Variants in SORCS2 observed in about 807,000 individuals in gnomAD.
The protein encoded by SORCS2 is sortilin related VPS10 domain containing receptor 2.
A neutral mutation model predicts 141.6 loss-of-function variants in SORCS2; 100 were observed. The observed-to-expected ratio is 0.71, with a 90% CI of 0.60 to 0.83. SORCS2 has a LOEUF of 0.83. SORCS2 is among the 40% of genes least tolerant of loss of function. The pLI is 0.00. For synonymous variants in SORCS2, 789 were observed against 676.9 expected, an observed-to-expected ratio of 1.17 and a Z score of -2.57; for missense variants, 1,646 against 1,560.2, an observed-to-expected ratio of 1.05 and a Z score of -0.93.
intron 2 of SORCS2, among the ~76,000 whole-genome samples, chr4:7,451,510 A>G (rs1728465300): frequency 6.6e-6 from 1 of 152,046 alleles, no homozygotes; most frequent in Non-Finnish European, 1.5e-5. Context: ...ACCTGTCCCT[A>G]CTCCTGAAGA....
At chr4:7,467,483 G>C (rs1334575393) in intron 2 of SORCS2, among the ~76,000 whole-genome samples, 2 of 152,224 alleles carry the variant, frequency 1.3e-5, no homozygotes, top group Non-Finnish European at 2.9e-5. Flanking sequence ...TCCGAGTCAA[G>C]TGACATCTCA....
At chr4:7,472,101 C>T (rs1200899070) in intron 2 of SORCS2, among the ~76,000 whole-genome samples, 1 of 152,230 alleles carries the variant, frequency 6.6e-6, no homozygotes, top group East Asian at 1.9e-4. Flanking sequence ...CAGCCTGTGG[C>T]CCAGGACACT....
chr4:7,233,637 G>T lies in SORCS2; in HGVS notation c.480+40511G>T, dbSNP rs184134380. On this transcript the variant is annotated intron_variant, in intron 1 of 26. Transcript: ENST00000507866. This position sits in a 1 kb window ranked among gnomAD's most constrained non-coding sequence, Gnocchi z 4.5. ...GAGTGCAGCGCTTCTCAGGTGGGAC[G>T]TTCTAAGGTCCCCAGGTAATACTGG... 5.3e-5 allele frequency among the ~76,000 whole-genome samples: 8 copies of T among 152,158 alleles called. No individual in the cohort carries two copies. The highest frequency in any genetic ancestry group is 1.2e-4 in the Non-Finnish European group (8 of 68,024).
intron 1 of SORCS2, among the ~76,000 whole-genome samples, chr4:7,372,881 C>T (rs1194289599): frequency 6.6e-6 from 1 of 152,102 alleles, no homozygotes; most frequent in African/African-American, 2.4e-5. Flanking sequence ...TTTGTTGGTG[C>T]TGGCATGTCT....
At chr4:7,355,591 TG>T (rs1200928425) in intron 1 of SORCS2, among the ~76,000 whole-genome samples, 1 of 152,046 alleles carries the variant, frequency 6.6e-6, no homozygotes, top group Non-Finnish European at 1.5e-5. Flanking sequence ...TTCTCCTGTG[TG>T]GGTCCGAGGG....
At chr4:7,406,645 T>A (rs910074071) in intron 2 of SORCS2, among the ~76,000 whole-genome samples, 22 of 151,948 alleles carry the variant, frequency 1.4e-4, no homozygotes, top group Admixed American at 1.2e-3. Flanking sequence ...GTCGGTCTAC[T>A]TTGTTGATTT....
At chr4:7,437,373 C>T (rs1278541955) in intron 2 of SORCS2, among the ~76,000 whole-genome samples, 4 of 152,220 alleles carry the variant, frequency 2.6e-5, no homozygotes, top group Non-Finnish European at 4.4e-5. Flanking sequence ...CTTCCACACC[C>T]TCTGGGTGTG....
intron 3 of SORCS2, among the ~76,000 whole-genome samples, chr4:7,636,834 A>T (rs7680312): frequency 6.6e-6 from 1 of 151,790 alleles, no homozygotes; most frequent in South Asian, 2.1e-4. Context: ...GGGGAGCTGA[A>T]AACAGCAGCA....
At chr4:7,388,154 G>GCC in intron 1 of SORCS2, among the ~76,000 whole-genome samples, 1 of 151,910 alleles carries the variant, frequency 6.6e-6, no homozygotes, top group East Asian at 1.9e-4. Context: ...GCGCACAGAT[G>GCC]CCCCCACACC....
chr4:7,502,159 G>C (rs996648569), intron 2 of SORCS2, among the ~76,000 whole-genome samples: 5 of 152,244 alleles, frequency 3.3e-5, no homozygotes, highest in African/African-American at 9.6e-5. Context: ...GCCATCAGAA[G>C]GGAGGAGGTG....
intron 2 of SORCS2, among the ~76,000 whole-genome samples, chr4:7,505,402 C>T (rs965948149): frequency 6.6e-6 from 1 of 151,976 alleles, no homozygotes; most frequent in African/African-American, 2.4e-5. Context: ...GCTCCGTGTG[C>T]ACAGAGACAC....
intron 14 of SORCS2, among the ~76,000 whole-genome samples, chr4:7,709,575 A>G (rs1328084144): frequency 6.6e-6 from 1 of 152,200 alleles, no homozygotes; most frequent in Non-Finnish European, 1.5e-5. Context: ...ACATACAAAT[A>G]ACTCAAACTG....
intron 1 of SORCS2, among the ~76,000 whole-genome samples, chr4:7,361,318 C>G (rs1476807422): frequency 6.6e-6 from 1 of 152,188 alleles, no homozygotes; most frequent in Admixed American, 6.5e-5. Context: ...GCTGCTTCCC[C>G]CATTAATGTC....
chr4:7,350,248 G>A (rs1045669302), intron 1 of SORCS2, among the ~76,000 whole-genome samples: 8 of 152,192 alleles, frequency 5.3e-5, no homozygotes, highest in Admixed American at 2.0e-4. Context: ...ACATGCAGGT[G>A]TTTGCAGCAA....
intron 2 of SORCS2, among the ~76,000 whole-genome samples, chr4:7,442,764 C>T (rs1376878554): frequency 2.6e-5 from 4 of 151,380 alleles, no homozygotes; most frequent in Non-Finnish European, 4.4e-5. Context: ...TCGCAGGTGC[C>T]CTGGAACTCA....
At chr4:7,556,418 C>G (rs1303789433) in intron 3 of SORCS2, among the ~76,000 whole-genome samples, 2 of 152,086 alleles carry the variant, frequency 1.3e-5, no homozygotes, top group African/African-American at 4.8e-5. Context: ...GTGGCTGTAA[C>G]CTGGGCCCAG....
Position 7,193,144 on chromosome 4 carries a change from G to T in SORCS2, c.480+18G>T. ...ACAGCAGCGTAAGTGACCTCCACGC[G>T]CTCGCCGCGGCCCCTACCCGGGACA... On this transcript the variant is annotated intron_variant, in intron 1 of 26. Transcript: ENST00000507866. This position sits in a 1 kb window ranked among gnomAD's most constrained non-coding sequence, Gnocchi z 4.8. 1 of 1,500,292 alleles carries T rather than the reference G, an allele frequency of 6.7e-7. No homozygotes were observed. The allele number at this position is 1,500,292 out of a possible 1,614,324, so 92.9% of individuals were successfully genotyped here. A position where few individuals can be genotyped will look rare whatever the true frequency, so the allele number is the denominator to read the frequency against.
chr4:7,226,115 T>G (rs1258684674), intron 1 of SORCS2, among the ~76,000 whole-genome samples: 2 of 152,120 alleles, frequency 1.3e-5, no homozygotes, highest in African/African-American at 4.8e-5. Context: ...GCCTCTGATC[T>G]CCAGGGATGG....
At chr4:7,623,707 T>C (rs1023644831) in intron 3 of SORCS2, among the ~76,000 whole-genome samples, 8 of 151,980 alleles carry the variant, frequency 5.3e-5, no homozygotes, top group African/African-American at 1.5e-4. Flanking sequence ...CTTACCCCAC[T>C]CCCCCTCTTG....
Sources: gnomAD v4.1 joint callset for allele counts (sites outside exome capture counted in the v4.1 genomes callset) on GRCh38, gnomAD v4.1.1 for gene constraint, Gnocchi (gnomAD v3.1) non-coding constraint, MANE v1.5 for transcripts, NCBI Gene and HGNC (gene_info 2026-07-23, HGNC 2026-07-21) for gene names.